Variants in NBN observed in about 807,000 individuals in gnomAD.
The protein encoded by NBN is Nijmegen breakage syndrome 1 (nibrin).
In NBN, 88 loss-of-function variants were observed where a neutral mutation model predicts 90.8. The ratio of observed to expected loss-of-function variants is 0.97; its 90% CI spans 0.82 to 1.16. NBN has a LOEUF of 1.16. NBN is among the 50% of genes most tolerant of loss of function. The pLI, the probability that NBN is intolerant of heterozygous loss-of-function variation, is 0.00. For synonymous variants in NBN, 328 were observed against 295.1 expected (o/e 1.11, Z -1.14); for missense variants, 894 against 869.6 (o/e 1.03, Z -0.35).
At chr8:89,961,207 T>C (rs897652094) in intron 8 of NBN, among the ~76,000 whole-genome samples, 1 of 152,228 alleles carries the variant, frequency 6.6e-6, no homozygotes, top group Non-Finnish European at 1.5e-5. Flanking sequence ...CTTTCAGCTA[T>C]AAACACAATT....
intron 7 of NBN, among the ~76,000 whole-genome samples, chr8:89,968,183 TG>T (rs1403028810): frequency 6.6e-6 from 1 of 152,070 alleles, no homozygotes; most frequent in Non-Finnish European, 1.5e-5. Context: ...TGCTTGAGCC[TG>T]GGAAGTGGAG....
In NBN at chr8:89,970,462, C is replaced by T. The variant is rs368786672; in HGVS notation, c.798G>A (p.Pro266=). 2.3e-5 allele frequency: 37 copies of T among 1,613,832 alleles called. No homozygotes were observed. Among genetic ancestry groups the T allele is most frequent in the South Asian group, 1.2e-4 (11 of 91,090 alleles). ...TTCCTGTATCAACAACACACGTTCC[C>T]GGAGCCAAAAAGAAATTATGTTCTT... ...NEEEHNFFLA[P]GTCVVDTGIT... The change falls in exon 7 of 16, where the codon CCG becomes CCA. Residue 266 remains proline (P), a synonymous_variant. Coordinates refer to ENST00000265433, the MANE Select transcript of NBN (RefSeq NM_002485.5).
intron 11 of NBN, among the ~76,000 whole-genome samples, chr8:89,951,923 T>C (rs1048044202): frequency 6.6e-6 from 1 of 152,034 alleles, no homozygotes; most frequent in Non-Finnish European, 1.5e-5. Flanking sequence ...GGATAGAGAG[T>C]GGCTAAATTA....
At chr8:89,946,001 T>C (rs1193917350) in intron 13 of NBN, 139 bp downstream of exon 13, 3 of 645,146 alleles carry the variant, frequency 4.7e-6, no homozygotes, top group African/African-American at 3.6e-5. Context: ...ATATCCTTCC[T>C]AGAGGAATTT....
At chr8:89,979,344 T>A (rs976826642) in intron 4 of NBN, among the ~76,000 whole-genome samples, 4 of 152,162 alleles carry the variant, frequency 2.6e-5, no homozygotes, top group African/African-American at 9.7e-5. Context: ...ATTTAGATTG[T>A]CTCTCAAGAA....
chr8:89,945,287 G>C (rs1175202013), intron 13 of NBN, among the ~76,000 whole-genome samples: 2 of 152,174 alleles, frequency 1.3e-5, no homozygotes, highest in Admixed American at 6.5e-5. Context: ...AGGTATAGTG[G>C]TGCCATTTAA....
At chr8:89,978,079 A>C (rs1174717313) in intron 5 of NBN, 141 bp downstream of exon 5, 4 of 747,832 alleles carry the variant, frequency 5.3e-6, no homozygotes, top group Non-Finnish European at 8.8e-6. Flanking sequence ...AAACTAACAA[A>C]AAACCTTCCA....
At chr8:89,979,559 T>TA (rs1811955491) in intron 4 of NBN, among the ~76,000 whole-genome samples, 1 of 152,128 alleles carries the variant, frequency 6.6e-6, no homozygotes, top group Non-Finnish European at 1.5e-5. Context: ...TTTAAGTAGC[T>TA]AATAGTAAGA....
At chr8:89,968,741 C>T (rs1381948023) in intron 7 of NBN, among the ~76,000 whole-genome samples, 4 of 152,156 alleles carry the variant, frequency 2.6e-5, no homozygotes, top group Admixed American at 2.0e-4. Context: ...GTTACTGCTT[C>T]CTTTATATAC....
intron 9 of NBN, among the ~76,000 whole-genome samples, chr8:89,958,175 T>C (rs1013584946): frequency 2.0e-5 from 3 of 152,154 alleles, no homozygotes; most frequent in Non-Finnish European, 4.4e-5. Flanking sequence ...CAGGCGGTAA[T>C]GCAAGCAATG....
At chr8:89,944,318 A>C (rs554509083) in intron 13 of NBN, among the ~76,000 whole-genome samples, 8 of 152,220 alleles carry the variant, frequency 5.3e-5, no homozygotes, top group African/African-American at 1.9e-4. Flanking sequence ...CCTAGTATCT[A>C]AAGTCGGCTT....
rs369408590 is a variant in NBN at position 89,984,515 on chromosome 8, C to T, written c.37+10G>A. 1 of 1,612,208 alleles carries T rather than the reference C, an allele frequency of 6.2e-7. No individual in the cohort carries two copies. Among genetic ancestry groups the T allele is most frequent in the Non-Finnish European group, 8.5e-7 (1 of 1,178,778 alleles). The stretch of plus-strand genomic sequence containing the variant: ...GAAAATAGGCCCCGAGGCTTCCCTT[C>T]TGCCCTTACCTCCTGCCGGGCCCGC... On this transcript the variant is annotated intron_variant, in intron 1 of 15. Transcript: ENST00000265433.
At chr8:89,961,922 G>A (rs1025994824) in intron 8 of NBN, among the ~76,000 whole-genome samples, 2 of 152,144 alleles carry the variant, frequency 1.3e-5, no homozygotes, top group Non-Finnish European at 1.5e-5. Flanking sequence ...TTCAAACAGG[G>A]TACTGGCTGT....
chr8:89,955,625 C>A, intron 9 of NBN, 70 bp from the exon 10 acceptor site: 2 of 1,490,336 alleles, frequency 1.3e-6, no homozygotes, highest in East Asian at 2.3e-5. Flanking sequence ...AAACAAAGAT[C>A]GTTAAATAGT....
intron 11 of NBN, 105 bp from the exon 12 acceptor site, chr8:89,947,997 C>G: frequency 1.5e-6 from 1 of 663,288 alleles, no homozygotes; most frequent in Non-Finnish European, 2.5e-6. Flanking sequence ...TGGTTCCTTT[C>G]TAAAAACTTA....
In NBN at chr8:89,947,888, T is replaced by C. The variant is rs1377580273; in HGVS notation, c.1850A>G (p.Glu617Gly). 2 of 1,553,920 alleles carry C rather than the reference T, an allele frequency of 1.3e-6. No homozygotes were observed. The highest frequency in any genetic ancestry group is 1.8e-6 in the Non-Finnish European group (2 of 1,132,936). The change falls in exon 12 of 16, where the codon GAA becomes GGA. Residue 617 changes from glutamate to glycine, a missense_variant. Transcript: ENST00000265433. ...TTCACGTTTCTTCCCAATTTCATTT[T>C]CTTGCTAAAGAAATAAAATAAAAAA... The part of the protein sequence containing the change: ...AVPESSKISQ[E>G]NEIGKKRELK...
In NBN at chr8:89,958,732, C is replaced by A. The variant is rs2129744437; in HGVS notation, c.1117G>T (p.Asp373Tyr). 1 of 1,613,978 alleles carries A rather than the reference C, an allele frequency of 6.2e-7. No individual in the cohort carries two copies. The highest frequency in any genetic ancestry group is 1.3e-5 in the African/African-American group (1 of 75,022). The change falls in exon 9 of 16, where the codon GAT (aspartate) becomes TAT (tyrosine). Residue 373 changes from aspartate (D) to tyrosine (Y), a missense_variant. Coordinates refer to ENST00000265433, the MANE Select transcript of NBN (RefSeq NM_002485.5). ...YVADTESEQA[D>Y]TWDLSERPKE... ...GTAATGAAGAAGCTTTACCATGTATCTGCTTGCTCTGATTCTGTGTCAGCT... is the reference window on the plus strand; with the variant it reads ...GTAATGAAGAAGCTTTACCATGTATATGCTTGCTCTGATTCTGTGTCAGCT...
intron 10 of NBN, 79 bp downstream of exon 10, chr8:89,955,204 A>C: frequency 4.3e-6 from 6 of 1,391,466 alleles, no homozygotes; most frequent in Non-Finnish European, 5.1e-6. Context: ...GAACAGACTA[A>C]AGACAATACC....
chr8:89,962,981 T>C (rs548139782), intron 8 of NBN, among the ~76,000 whole-genome samples: 25 of 152,142 alleles, frequency 1.6e-4, no homozygotes, highest in Non-Finnish European at 3.4e-4. Flanking sequence ...GACCTCCAGC[T>C]AATTTCCTCT....
Sources: gnomAD v4.1 joint callset for allele counts (sites outside exome capture counted in the v4.1 genomes callset) on GRCh38, gnomAD v4.1.1 for gene constraint, MANE v1.5 for transcripts, NCBI Gene and HGNC (gene_info 2026-07-23, HGNC 2026-07-21) for gene names.